The following ANO1 variants were observed in gnomAD, a reference collection of about 807,000 sequenced individuals.
ANO1 encodes the protein anoctamin-1.
Under a neutral mutation model 124.0 loss-of-function variants are expected in ANO1, and 59 were observed. The ratio of observed to expected loss-of-function variants is 0.48; its 90% CI spans 0.39 to 0.59. The LOEUF (loss-of-function observed/expected upper bound fraction) is 0.59. Among genes scored for constraint, ANO1 ranks in the 20% least tolerant of loss-of-function variants. The pLI is 0.00. For synonymous variants in ANO1, 529 were observed against 532.0 expected (o/e 0.99, Z 0.08); for missense variants, 1,059 against 1,328.0 (o/e 0.80, Z 3.15).
chr11:69,979,525 T>C, the ANO1 span, among the ~76,000 whole-genome samples: 1 of 152,228 alleles, frequency 6.6e-6, no homozygotes, highest in Admixed American at 6.5e-5. Context: ...ACAACAGAGA[T>C]AAAAATAATA....
At chr11:70,157,772 G>T (rs2047877061) in intron 16 of ANO1, among the ~76,000 whole-genome samples, 1 of 152,084 alleles carries the variant, frequency 6.6e-6, no homozygotes. Context: ...CAGGAAGATT[G>T]CTTGAGCTTA....
chr11:70,103,254 C>T lies in ANO1; in HGVS notation c.540+90C>T, dbSNP rs919717147. 11 of 1,054,642 alleles carry T rather than the reference C, an allele frequency of 1.0e-5. No homozygotes were observed. In the African/African-American group the frequency reaches 1.8e-4, roughly 17 times the overall value. 65.3% of individuals were successfully genotyped at this position (1,054,642 alleles called of 1,614,324 possible). A position where few individuals can be genotyped will look rare whatever the true frequency, so the allele number is the denominator to read the frequency against. On this transcript the variant is annotated intron_variant, in intron 3 of 25. Coordinates refer to ENST00000355303, the MANE Select transcript of ANO1 (RefSeq NM_018043.7). Reference sequence around the variant, plus strand: ...AGTGAAACATGCCGACCTCGAGGCCCTGAGTTTTATAAAAAAAAAACCCAG... The same window carrying T: ...AGTGAAACATGCCGACCTCGAGGCCTTGAGTTTTATAAAAAAAAAACCCAG...
At chr11:70,057,862 C>T (rs1447660281) in intron 1 of ANO1, among the ~76,000 whole-genome samples, 1 of 151,756 alleles carries the variant, frequency 6.6e-6, no homozygotes, top group East Asian at 1.9e-4. Context: ...AGAGGCCTGA[C>T]AAAACAAAAC....
intron 1 of ANO1, among the ~76,000 whole-genome samples, chr11:70,013,131 C>T (rs542394866): frequency 1.6e-4 from 24 of 152,136 alleles, no homozygotes; most frequent in African/African-American, 4.8e-4. Flanking sequence ...AGAAACTTGC[C>T]GGGCAAAAAC....
chr11:70,124,854 T>G (rs2046430613), intron 9 of ANO1, among the ~76,000 whole-genome samples: 1 of 152,212 alleles, frequency 6.6e-6, no homozygotes, highest in South Asian at 2.1e-4. Context: ...TAGAAATCCA[T>G]TCAAGCCATC....
At chr11:70,036,128 G>C (rs1044924557) in intron 1 of ANO1, among the ~76,000 whole-genome samples, 7 of 152,192 alleles carry the variant, frequency 4.6e-5, no homozygotes, top group Non-Finnish European at 8.8e-5. Context: ...ACCATTAGGA[G>C]GCCAGAAGTC....
In ANO1 at chr11:70,157,002, T is replaced by C; in HGVS notation, c.1559T>C (p.Leu520Ser). Residue 520 changes from leucine to serine, a missense_variant, in exon 16 of 26, where the codon TTG becomes TCG. Leu to Ser is a moderately radical substitution (Grantham distance 145). Transcript: ENST00000355303. ...CGGTTCCCAGCCTACCTCACTAACT[T>C]GGTCTCCATCATCTTCATGGTAAGT... ...RDRFPAYLTN[L>S]VSIIFMIAVT... The C allele has an allele frequency of 6.2e-7, 1 of 1,613,566 alleles. No individual in the cohort carries two copies. The highest frequency in any genetic ancestry group is 8.5e-7 in the Non-Finnish European group (1 of 1,179,762).
intron 1 of ANO1, among the ~76,000 whole-genome samples, chr11:70,066,965 A>G (rs1169740229): frequency 1.3e-5 from 2 of 152,188 alleles, no homozygotes; most frequent in Non-Finnish European, 2.9e-5. Flanking sequence ...GCAGCCCCCC[A>G]GCGGGGAGGC....
chr11:70,163,550 G>A, intron 19 of ANO1: 2 of 644,570 alleles, frequency 3.1e-6, no homozygotes, highest in South Asian at 1.8e-5. Flanking sequence ...CACCTAGAAG[G>A]ATAAAGTCGC....
intron 1 of ANO1, among the ~76,000 whole-genome samples, chr11:69,989,106 G>A (rs782597226): frequency 6.6e-6 from 1 of 152,162 alleles, no homozygotes; most frequent in Non-Finnish European, 1.5e-5. Context: ...GCATCATCAT[G>A]TACAATCCCC....
chr11:70,048,754 C>T (rs1294208039), intron 1 of ANO1, among the ~76,000 whole-genome samples: 1 of 149,818 alleles, frequency 6.7e-6, no homozygotes, highest in Middle Eastern at 3.2e-3. Flanking sequence ...TTACCTTTTC[C>T]GGCCACTAGG....
chr11:70,155,408 G>A (rs940741853), intron 14 of ANO1, among the ~76,000 whole-genome samples: 2 of 152,202 alleles, frequency 1.3e-5, no homozygotes, highest in African/African-American at 4.8e-5. Flanking sequence ...CTGACGGGCC[G>A]TACCCTTTAT....
intron 1 of ANO1, among the ~76,000 whole-genome samples, chr11:70,082,942 A>C (rs536437266): frequency 1.8e-4 from 27 of 152,254 alleles, no homozygotes; most frequent in Admixed American, 9.8e-4. Flanking sequence ...CTAATACCTA[A>C]ACAGACAAAG....
At position 70,108,756 on chromosome 11, in the gene ANO1, T is replaced by C. The variant is rs538537840; in HGVS notation, c.799+352T>C. On this transcript the variant is annotated intron_variant, in intron 6 of 25. Transcript: ENST00000355303. Reference sequence around the variant, plus strand: ...ACCCTCACGGTCCAGTGGGAAGTAATTGGGGTTCCAGCCGGGGCGGCATCT... The same window carrying C: ...ACCCTCACGGTCCAGTGGGAAGTAACTGGGGTTCCAGCCGGGGCGGCATCT... 3.9e-5 allele frequency among the ~76,000 whole-genome samples: 6 copies of C among 152,244 alleles called. No homozygotes were observed. In the South Asian group the frequency reaches 8.3e-4, roughly 21 times the overall value.
chr11:70,138,316 G>C (rs2047022387), intron 11 of ANO1, among the ~76,000 whole-genome samples: 1 of 110,844 alleles, frequency 9.0e-6, no homozygotes, highest in African/African-American at 2.8e-5. Flanking sequence ...CTGCACTCCA[G>C]CCTGGGCAAA....
intron 5 of ANO1, among the ~76,000 whole-genome samples, chr11:70,107,368 G>C (rs1187674284): frequency 6.6e-6 from 1 of 152,028 alleles, no homozygotes; most frequent in South Asian, 2.1e-4. Context: ...ATCTGAAGGG[G>C]ACAAGTGCTT....
At chr11:70,150,470 A>G (rs2047558913) in intron 12 of ANO1, among the ~76,000 whole-genome samples, 1 of 152,216 alleles carries the variant, frequency 6.6e-6, no homozygotes, top group Admixed American at 6.5e-5. Flanking sequence ...GGTGCACAAC[A>G]GAGGCGACCT....
chr11:70,173,301 G>A lies in ANO1; in HGVS notation c.2350+2262G>A, dbSNP rs540817991. On this transcript the variant is annotated intron_variant, in intron 22 of 25. Coordinates refer to ENST00000355303, the MANE Select transcript of ANO1 (RefSeq NM_018043.7). ...TAGGGAGGGACATCCCAGGGCTCCT[G>A]GGTAAGAGGTCATGGCACTGTGTTT... Among the ~76,000 whole-genome samples the A allele has an allele frequency of 3.3e-5, 5 of 152,282 alleles. No homozygotes were observed. The South Asian group carries it at 8.3e-4, about 25-fold the overall frequency.
At chr11:70,183,540 G>A (rs1018531659) in intron 24 of ANO1, among the ~76,000 whole-genome samples, 1 of 152,230 alleles carries the variant, frequency 6.6e-6, no homozygotes, top group East Asian at 1.9e-4. Flanking sequence ...AAACTGGGGT[G>A]CTATGACTTG....
Sources: allele counts gnomAD v4.1 joint callset (sites outside exome capture counted in the v4.1 genomes callset), GRCh38; gene constraint gnomAD v4.1.1; transcripts MANE v1.5; gene names NCBI Gene and HGNC (gene_info 2026-07-23, HGNC 2026-07-21).